Variants in CDIN1 observed in about 807,000 individuals in gnomAD.
CDIN1 encodes CDAN1-interacting nuclease 1.
Under a neutral mutation model 45.3 loss-of-function variants are expected in CDIN1, and 33 were observed. The observed-to-expected ratio is 0.73, with a 90% confidence interval of 0.55 to 0.97. The LOEUF is 0.97. Among genes scored for constraint, CDIN1 ranks in the 50% least tolerant of loss-of-function variants. The probability of loss-of-function intolerance (pLI) is 0.00; values close to 1 mark genes in which losing one functional copy is unlikely to be tolerated. For synonymous variants in CDIN1, 118 were observed against 124.4 expected (o/e 0.95, Z 0.34); for missense variants, 303 against 339.4 (o/e 0.89, Z 0.84).
intron 10 of CDIN1, among the ~76,000 whole-genome samples, chr15:36,755,027 G>A (rs1341273812): frequency 3.3e-5 from 5 of 151,994 alleles, no homozygotes; most frequent in East Asian, 1.9e-4. Context: ...TAATCTTCAC[G>A]TTTTTCTTTC....
At chr15:36,755,117 G>A (rs921281130) in intron 10 of CDIN1, among the ~76,000 whole-genome samples, 1 of 152,178 alleles carries the variant, frequency 6.6e-6, no homozygotes. Context: ...CATGATGACA[G>A]CCAAGGAATG....
rs116845900 is a variant in CDIN1 at position 36,792,060 on chromosome 15, A to G, written c.717-16264A>G. On this transcript the variant is annotated intron_variant, in intron 10 of 10. Coordinates refer to ENST00000566621, the MANE Select transcript of CDIN1 (RefSeq NM_001321759.2). ...TGCAATAGCTTGTCTTATGTCACCC[A>G]GGATGAGGCAGTTTGCAGCCAGGAA... Among the ~76,000 whole-genome samples, 780 of 152,330 alleles carry G rather than the reference A, an allele frequency of 5.1e-3. 1 individual carries two copies. Among genetic ancestry groups the G allele is most frequent in the Non-Finnish European group, 8.7e-3 (589 of 68,034 alleles).
intron 10 of CDIN1, among the ~76,000 whole-genome samples, chr15:36,804,210 T>C (rs962505587): frequency 1.3e-5 from 2 of 152,198 alleles, no homozygotes; most frequent in Non-Finnish European, 2.9e-5. Context: ...TAGAACAGTG[T>C]TGGGCACATA....
intron 8 of CDIN1, chr15:36,705,985 T>A (rs1303892694): frequency 6.6e-6 from 1 of 152,180 alleles, no homozygotes; most frequent in Admixed American, 6.6e-5. Flanking sequence ...CATTTTTTTC[T>A]TGAAGAAAAC....
At chr15:36,580,364 G>A (rs1347317854) in intron 1 of CDIN1, among the ~76,000 whole-genome samples, 1 of 152,110 alleles carries the variant, frequency 6.6e-6, no homozygotes, top group Non-Finnish European at 1.5e-5. Flanking sequence ...ATTGGCCGTT[G>A]GAAACAAACA....
chr15:36,664,692 G>A (rs746221285), intron 5 of CDIN1, among the ~76,000 whole-genome samples: 7 of 151,902 alleles, frequency 4.6e-5, no homozygotes, highest in East Asian at 1.9e-4. Flanking sequence ...GATTACAGGC[G>A]CCCACCACCA....
rs149222188 is a variant in CDIN1, at chr15:36,774,163, T to TGTGTGTGTGCGCGCGCGC, written c.717-34160_717-34159insTGTGTGTGCGCGCGCGCG. Among the ~76,000 whole-genome samples, 14 of 143,070 alleles carry TGTGTGTGTGCGCGCGCGC rather than the reference T, an allele frequency of 9.8e-5. 1 individual carries two copies. Among genetic ancestry groups the TGTGTGTGTGCGCGCGCGC allele is most frequent in the African/African-American group, 3.5e-4 (13 of 37,634 alleles). 93.9% of individuals were successfully genotyped at this position (143,070 alleles called of 152,430 possible). Reference sequence around the variant, plus strand: ...GTGTGTGTGTGTGTGTGTGTGTGTGTGCGCGCGCGCGCATGCATGAGGGGA... The same window carrying TGTGTGTGTGCGCGCGCGC: ...GTGTGTGTGTGTGTGTGTGTGTGTGTGTGTGTGTGCGCGCGCGCGCGCGCGCGCGCATGCATGAGGGGA... On this transcript the variant is annotated intron_variant, in intron 10 of 10. Coordinates refer to ENST00000566621, the MANE Select transcript of CDIN1 (RefSeq NM_001321759.2).
Position 36,657,920 on chromosome 15 carries a change from T to G in CDIN1, c.346+15T>G, listed in dbSNP as rs1448840133. 1 of 1,597,012 alleles carries G rather than the reference T, an allele frequency of 6.3e-7. No homozygotes were observed. The highest frequency in any genetic ancestry group is 1.1e-5 in the South Asian group (1 of 89,094). ...GGAAACTCCACGTGAGTTACCCTTT[T>G]TTCCTAATGGTACTCTTTTACTCCC... On this transcript the variant is annotated intron_variant, in intron 5 of 10. Transcript: ENST00000566621.
chr15:36,807,934 A>G (rs191443863), intron 10 of CDIN1, among the ~76,000 whole-genome samples: 8 of 152,258 alleles, frequency 5.3e-5, no homozygotes, highest in African/African-American at 1.7e-4. Flanking sequence ...TTAATTTTTT[A>G]AATAGTACCA....
chr15:36,793,641 A>G (rs1255304978), intron 10 of CDIN1, among the ~76,000 whole-genome samples: 1 of 152,176 alleles, frequency 6.6e-6, no homozygotes, highest in African/African-American at 2.4e-5. Context: ...AGTTTTCTGT[A>G]CTCAGGCATG....
intron 10 of CDIN1, among the ~76,000 whole-genome samples, chr15:36,781,576 C>T (rs2054353803): frequency 6.6e-6 from 1 of 152,192 alleles, no homozygotes; most frequent in Non-Finnish European, 1.5e-5. Context: ...TTCCAAATGA[C>T]TGAAACATGT....
At chr15:36,618,767 A>G in intron 1 of CDIN1, 1 of 702,760 alleles carries the variant, frequency 1.4e-6, no homozygotes, top group East Asian at 2.6e-5. Flanking sequence ...CAGCCAAAAA[A>G]AAAAAAAAAA....
At chr15:36,601,803 A>G (rs971569753) in intron 1 of CDIN1, among the ~76,000 whole-genome samples, 5 of 152,170 alleles carry the variant, frequency 3.3e-5, no homozygotes, top group African/African-American at 1.2e-4. Context: ...GAGCTCTACC[A>G]TTGTACTGCC....
intron 1 of CDIN1, among the ~76,000 whole-genome samples, chr15:36,582,602 T>C (rs1325648033): frequency 1.3e-5 from 2 of 152,188 alleles, no homozygotes; most frequent in Admixed American, 6.5e-5. Flanking sequence ...AAATACTATC[T>C]TGCTATTTTT....
chr15:36,754,853 T>A (rs74008772), intron 10 of CDIN1, among the ~76,000 whole-genome samples: 3,032 of 152,270 alleles, frequency 0.02, 89 homozygotes, highest in African/African-American at 0.07. Flanking sequence ...TAATTAAGCG[T>A]AAAGTTACAC....
At chr15:36,700,674 A>G (rs1410129464) in intron 8 of CDIN1, among the ~76,000 whole-genome samples, 1 of 151,498 alleles carries the variant, frequency 6.6e-6, no homozygotes, top group East Asian at 1.9e-4. Context: ...GTGGGCAGAC[A>G]CCATTAAGAA....
chr15:36,670,238 C>G (rs571839241), intron 5 of CDIN1, among the ~76,000 whole-genome samples: 4 of 152,186 alleles, frequency 2.6e-5, no homozygotes, highest in African/African-American at 9.6e-5. Context: ...ACTCCTTCTT[C>G]TCTTGTCTGT....
chr15:36,672,891 GA>G (rs1373580768), intron 5 of CDIN1, among the ~76,000 whole-genome samples: 2 of 151,830 alleles, frequency 1.3e-5, no homozygotes, highest in Non-Finnish European at 2.9e-5. Flanking sequence ...CTGCTGGAGG[GA>G]AAAAAAGCAG....
intron 1 of CDIN1, among the ~76,000 whole-genome samples, chr15:36,639,815 G>A (rs570252590): frequency 2.2e-4 from 34 of 152,172 alleles, no homozygotes; most frequent in African/African-American, 7.2e-4. Context: ...AGATACTGAC[G>A]TTCAATTATA....
Sources: allele counts gnomAD v4.1 joint callset (sites outside exome capture counted in the v4.1 genomes callset), GRCh38; gene constraint gnomAD v4.1.1; transcripts MANE v1.5; gene names NCBI Gene and HGNC (gene_info 2026-07-23, HGNC 2026-07-21).